APOO: variants seen among roughly 807,000 people sequenced by gnomAD.
APOO encodes the protein MICOS complex subunit MIC26.
APOO carries 11 observed loss-of-function variants against 23.1 expected under a neutral mutation model. The observed-to-expected ratio is 0.48, with a 90% CI of 0.30 to 0.79. The LOEUF is 0.79. Among genes scored for constraint, APOO ranks in the 30% least tolerant of loss-of-function variants. The pLI, the probability that APOO is intolerant of heterozygous loss-of-function variation, is 0.07. For synonymous variants in APOO, 59 were observed against 54.8 expected (o/e 1.08, Z -0.34); for missense variants, 160 against 142.7 (o/e 1.12, Z -0.62).
chrX:23,907,709 G>A lies in APOO; in HGVS notation c.-7C>T. The stretch of plus-strand genomic sequence containing the variant: ...ACGCTCTCACCTTGAACATGTCGCT[G>A]GCAGCGGAGGCTCCGGCAGGGTCAC... On this transcript the variant is annotated 5_prime_UTR_variant, in exon 1 of 9. Transcript: ENST00000379226. 1 of 1,159,999 alleles carries A rather than the reference G, an allele frequency of 8.6e-7. No homozygotes were observed. Among genetic ancestry groups the A allele is most frequent in the Non-Finnish European group, 1.1e-6 (1 of 870,384 alleles).
intron 1 of APOO, among the ~76,000 whole-genome samples, chrX:23,894,943 G>A (rs1240903110): frequency 9.0e-6 from 1 of 110,600 alleles, no homozygotes; most frequent in African/African-American, 3.3e-5. Context: ...TCAGGGGTTC[G>A]AGACAAGCCT....
intron 1 of APOO, among the ~76,000 whole-genome samples, chrX:23,905,406 TAAC>T (rs1004860548): frequency 4.6e-5 from 5 of 109,100 alleles, no homozygotes; most frequent in African/African-American, 1.7e-4. Context: ...ATAATAATGA[TAAC>T]AATAATAATA....
chrX:23,888,929 C>T (rs755971139), intron 1 of APOO, among the ~76,000 whole-genome samples: 115 of 94,015 alleles, frequency 1.2e-3, no homozygotes, highest in African/African-American at 4.5e-3. Flanking sequence ...CACTTGAGGC[C>T]AGAAGTTTAA....
chrX:23,877,930 A>C (rs1925932001), intron 3 of APOO, among the ~76,000 whole-genome samples: 1 of 112,345 alleles, frequency 8.9e-6, no homozygotes, highest in Non-Finnish European at 1.9e-5. Flanking sequence ...CTACAAAAGC[A>C]TTCTATAGAT....
At chrX:23,841,423 G>A (rs772287984) in intron 7 of APOO, among the ~76,000 whole-genome samples, 14 of 106,004 alleles carry the variant, frequency 1.3e-4, no homozygotes, top group Non-Finnish European at 7.8e-5. Context: ...GGGAGGCCGA[G>A]GCGGGAGGAT....
chrX:23,841,223 C>T (rs184061750), intron 7 of APOO, among the ~76,000 whole-genome samples: 2 of 110,686 alleles, frequency 1.8e-5, no homozygotes, highest in African/African-American at 3.3e-5. Context: ...AGCAGGAGCA[C>T]GTGACTAACC....
In APOO at chrX:23,890,810, T is replaced by C. The variant is rs377178241; in HGVS notation, c.10-9858A>G. ...TTGACTTAATGATATTTTCAACTTA[T>C]GATAGGTTTATCAGAATGCAACCCC... On this transcript the variant is annotated intron_variant, in intron 1 of 8. Coordinates refer to ENST00000379226, the MANE Select transcript of APOO (RefSeq NM_024122.5). Among the ~76,000 whole-genome samples the C allele has an allele frequency of 6.2e-5, 7 of 112,054 alleles. No individual in the cohort carries two copies. In the East Asian group the frequency reaches 8.4e-4, roughly 13 times the overall value.
chrX:23,840,289 T>C, intron 8 of APOO, 24 bp downstream of exon 8: 2 of 1,045,844 alleles, frequency 1.9e-6, no homozygotes, highest in Non-Finnish European at 2.6e-6. Context: ...CTGAAAATAA[T>C]CACAGAAATT....
intron 1 of APOO, chrX:23,883,290 C>T (rs1019804595): frequency 9.0e-6 from 1 of 110,820 alleles, no homozygotes; most frequent in African/African-American, 3.3e-5. Flanking sequence ...TATAAAAACC[C>T]CGAGACCCTA....
chrX:23,899,790 A>C (rs1008548673), intron 1 of APOO, among the ~76,000 whole-genome samples: 2 of 112,762 alleles, frequency 1.8e-5, no homozygotes, highest in Non-Finnish European at 1.9e-5. Flanking sequence ...ACAAATATGC[A>C]AGTTCGTTTC....
At chrX:23,874,343 C>T (rs959402988) in intron 4 of APOO, 60 bp downstream of exon 4, 12 of 985,538 alleles carry the variant, frequency 1.2e-5, no homozygotes, top group Admixed American at 9.1e-5. Context: ...CATGGAACTC[C>T]GATTAAAGAG....
rs143362355 is a variant in APOO at position 23,849,583 on chromosome X, TA to T, written c.561+6718del. On this transcript the variant is annotated intron_variant, in intron 7 of 8. Coordinates refer to ENST00000379226, the MANE Select transcript of APOO (RefSeq NM_024122.5). ...GGGAGCCTGTAGATTAAGAGAGACTTAAAAAAAAAAAAAAAAAAAAAAAAAA... is the reference window on the plus strand; with the variant it reads ...GGGAGCCTGTAGATTAAGAGAGACTTAAAAAAAAAAAAAAAAAAAAAAAAA... 7.5e-3 allele frequency among the ~76,000 whole-genome samples: 244 copies of T among 32,587 alleles called. 4 individuals carry two copies. The highest frequency in any genetic ancestry group is 0.023 in the African/African-American group (164 of 7,229). 28.3% of individuals were successfully genotyped at this position (32,587 alleles called of 115,157 possible). A position where few individuals can be genotyped will look rare whatever the true frequency, so the allele number is the denominator to read the frequency against.
chrX:23,864,421 G>A (rs140005798), intron 5 of APOO, among the ~76,000 whole-genome samples: 1,634 of 110,979 alleles, frequency 0.015, 40 homozygotes, highest in African/African-American at 0.049. Flanking sequence ...TCCTGCTTTC[G>A]CCTCCCAAGT....
At chrX:23,902,617 T>G (rs1927174737) in intron 1 of APOO, among the ~76,000 whole-genome samples, 1 of 111,976 alleles carries the variant, frequency 8.9e-6, no homozygotes, top group South Asian at 3.7e-4. Flanking sequence ...GGGCAGCTTT[T>G]CAAATGTGTT....
intron 7 of APOO, among the ~76,000 whole-genome samples, chrX:23,844,831 G>A (rs764263346): frequency 2.9e-4 from 33 of 112,497 alleles, no homozygotes; most frequent in African/African-American, 1.1e-3. Flanking sequence ...CCTGACTACA[G>A]GGTATGGTTC....
intron 1 of APOO, among the ~76,000 whole-genome samples, chrX:23,887,897 G>T (rs1463942082): frequency 9.0e-6 from 1 of 111,611 alleles, no homozygotes; most frequent in African/African-American, 3.3e-5. Flanking sequence ...TCAGCTAGTT[G>T]GGGGTCTCAA....
chrX:23,858,820 G>T (rs933715750), intron 5 of APOO, 87 bp from the exon 6 acceptor site: 2 of 855,907 alleles, frequency 2.3e-6, no homozygotes, highest in African/African-American at 4.1e-5. Flanking sequence ...ACGGAACAAG[G>T]CCAGGCACAG....
intron 8 of APOO, chrX:23,837,207 G>A: frequency 1.1e-6 from 1 of 909,780 alleles, no homozygotes; most frequent in Non-Finnish European, 1.5e-6. Context: ...TGATGTGATT[G>A]AAGTCCCTCC....
At chrX:23,881,368 C>T (rs1207473614) in intron 1 of APOO, among the ~76,000 whole-genome samples, 1 of 108,244 alleles carries the variant, frequency 9.2e-6, no homozygotes, top group African/African-American at 3.4e-5. Context: ...AGCCAGTGCA[C>T]CTGGCCTACA....
Sources: gnomAD v4.1 joint callset for allele counts (sites outside exome capture counted in the v4.1 genomes callset) on GRCh38, gnomAD v4.1.1 for gene constraint, MANE v1.5 for transcripts, NCBI Gene and HGNC (gene_info 2026-07-23, HGNC 2026-07-21) for gene names.